Variants in AEN observed in about 807,000 individuals in gnomAD.
AEN encodes the protein apoptosis-enhancing nuclease.
In AEN, 21 loss-of-function variants were observed where a neutral mutation model predicts 17.7. That is an observed-to-expected ratio of 1.19 (90% CI 0.84 to 1.71). AEN has a LOEUF of 1.71. Ranked by LOEUF, AEN falls within the 40% of genes most tolerant of loss-of-function variation. AEN has a pLI of 0.00. For synonymous variants in AEN, 190 were observed against 173.0 expected (o/e 1.10, Z -0.77); for missense variants, 462 against 435.9 (o/e 1.06, Z -0.53).
upstream of AEN, chr15:88,621,313 C>G (rs1157101894): frequency 6.6e-6 from 1 of 152,382 alleles, no homozygotes; most frequent in South Asian, 2.1e-4. Flanking sequence ...GCCGGGCTTG[C>G]CCGGGCATGT....
rs978995127 is a variant in AEN at position 88,630,257 on chromosome 15, G to A, written c.941G>A (p.Arg314Lys). 6.9e-6 allele frequency: 11 copies of A among 1,594,846 alleles called. No individual in the cohort carries two copies. In the African/African-American group the frequency reaches 1.5e-4, roughly 21 times the overall value. Residue 314 changes from arginine to lysine, a missense_variant, in exon 4 of 4, where the codon AGA becomes AAA. By Grantham distance (26) the Arg-to-Lys change is conservative. Transcript: ENST00000332810. This position sits in a 1 kb window ranked among gnomAD's most constrained non-coding sequence, Gnocchi z 5.1. ...YWPDDLAHGS[R>K]GGAREAQDRR... ...CCCGATGACCTGGCCCACGGCAGCA[G>A]AGGAGGAGCCAGGGAGGCACAGGAC...
intron 1 of AEN, among the ~76,000 whole-genome samples, chr15:88,624,745 G>A (rs571914982): frequency 2.2e-4 from 34 of 152,096 alleles, no homozygotes; most frequent in Non-Finnish European, 4.3e-4. Context: ...TTAGCCAGGC[G>A]TGGTGGTGCA....
the AEN span, among the ~76,000 whole-genome samples, chr15:88,610,590 A>C: frequency 6.6e-6 from 1 of 152,060 alleles, no homozygotes; most frequent in Non-Finnish European, 1.5e-5. Flanking sequence ...ACTCAGAGCT[A>C]GGTATTGCCA....
rs2057927803 is a variant in AEN, at chr15:88,631,489, T to C, written c.*1195T>C. The C allele has an allele frequency of 9.0e-6, 2 of 223,234 alleles. No homozygotes were observed. The highest frequency in any genetic ancestry group is 2.2e-5 in the African/African-American group (1 of 44,624). 13.8% of individuals were successfully genotyped at this position (223,234 alleles called of 1,614,324 possible). ...TGCTTGCAGCTTAGCTTTGAGATAC[T>C]AAGCAAGCGAGGGACTTCACTCTTG... is the stretch of plus-strand genomic sequence containing the variant. On this transcript the variant is annotated 3_prime_UTR_variant, in exon 4 of 4. Transcript: ENST00000332810.
intron 1 of AEN, chr15:88,621,924 G>A (rs1388820271): frequency 6.6e-6 from 1 of 152,120 alleles, no homozygotes; most frequent in Admixed American, 6.5e-5. Context: ...GTGGGAGTGG[G>A]CCTGAAAATC....
At chr15:88,627,679 A>T (rs1168787509) in intron 2 of AEN, 1 of 152,340 alleles carries the variant, frequency 6.6e-6, no homozygotes, top group South Asian at 2.1e-4. Flanking sequence ...CTCATCACAC[A>T]GGTGAACTAG....
chr15:88,617,818 G>T (rs901423040), upstream of AEN, among the ~76,000 whole-genome samples: 6 of 137,014 alleles, frequency 4.4e-5, no homozygotes, highest in Admixed American at 3.1e-4. Context: ...TAGCTGAAAT[G>T]CTTGGCCCAT....
chr15:88,616,648 A>G (rs529852770), upstream of AEN, among the ~76,000 whole-genome samples: 16 of 152,380 alleles, frequency 1.1e-4, no homozygotes, highest in East Asian at 3.1e-3. Context: ...GATAAATGTA[A>G]GTATAGATGG....
chr15:88,616,446 G>A (rs2057739287), upstream of AEN, among the ~76,000 whole-genome samples: 1 of 152,152 alleles, frequency 6.6e-6, no homozygotes, highest in African/African-American at 2.4e-5. Context: ...GAAGGGAAGG[G>A]CTGACTTGGT....
intron 3 of AEN, among the ~76,000 whole-genome samples, chr15:88,629,709 C>G (rs946330672): frequency 2.0e-5 from 3 of 152,208 alleles, no homozygotes; most frequent in Non-Finnish European, 4.4e-5. Flanking sequence ...TTGGTTCTTG[C>G]ATCCCTGAAG....
Position 88,631,391 on chromosome 15 carries a change from C to T in AEN, c.*1097C>T, listed in dbSNP as rs2057926795. Reference sequence around the variant, plus strand: ...CTCCTATTTCTAAAAATGTTCTCTTCTTTCCTAAGTGACAGTTTTGAAGTA... The same window carrying T: ...CTCCTATTTCTAAAAATGTTCTCTTTTTTCCTAAGTGACAGTTTTGAAGTA... On this transcript the variant is annotated 3_prime_UTR_variant, in exon 4 of 4. Transcript: ENST00000332810. 1 of 248,730 alleles carries T rather than the reference C, an allele frequency of 4.0e-6. No homozygotes were observed. The highest frequency in any genetic ancestry group is 4.3e-5 in the Admixed American group (1 of 23,488). The allele number at this position is 248,730 out of a possible 1,614,324, so 15.4% of individuals were successfully genotyped here.
At chr15:88,608,527 A>G in the AEN span, among the ~76,000 whole-genome samples, 6 of 152,212 alleles carry the variant, frequency 3.9e-5, no homozygotes, top group Admixed American at 1.3e-4. Flanking sequence ...CCTCATTATT[A>G]GAGATTTGGT....
At chr15:88,611,084 C>G in the AEN span, among the ~76,000 whole-genome samples, 1 of 152,224 alleles carries the variant, frequency 6.6e-6, no homozygotes, top group Non-Finnish European at 1.5e-5. Context: ...TGACTTCATT[C>G]TGAAGCTTCC....
At chr15:88,606,277 T>C in the AEN span, among the ~76,000 whole-genome samples, 645 of 152,150 alleles carry the variant, frequency 4.2e-3, 2 homozygotes, top group South Asian at 0.024. Context: ...TATGCCTTAA[T>C]AGGAGTGAGT....
upstream of AEN, among the ~76,000 whole-genome samples, chr15:88,618,271 C>T (rs940058972): frequency 3.9e-5 from 6 of 152,036 alleles, no homozygotes; most frequent in South Asian, 4.1e-4. Flanking sequence ...GCTTCTGCTA[C>T]GGAGTTTTAT....
In AEN at chr15:88,629,342, C is replaced by T. The variant is rs2057896896; in HGVS notation, c.657C>T (p.Asn219=). 6.2e-7 allele frequency: 1 copy of T among 1,614,056 alleles called. No individual in the cohort carries two copies. Among genetic ancestry groups the T allele is most frequent in the Admixed American group, 1.7e-5 (1 of 60,004 alleles). ...CCCGGGATACGACCTATGTCCCAAA[C>T]TTCCTCAGCGAGCCCGGCCTCCACA... ...SQTRDTTYVP[N]FLSEPGLHTR... is the part of the protein sequence containing the mutation. The change falls in exon 3 of 4, where the codon AAC becomes AAT. Residue 219 remains asparagine (N), a synonymous_variant. Transcript: ENST00000332810.
chr15:88,616,967 G>A (rs1015107327), upstream of AEN, among the ~76,000 whole-genome samples: 9 of 152,168 alleles, frequency 5.9e-5, no homozygotes, highest in African/African-American at 1.2e-4. Flanking sequence ...GGGTTTATCC[G>A]GACATGGCCT....
the AEN span, among the ~76,000 whole-genome samples, chr15:88,612,832 G>C: frequency 0.54 from 81,867 of 151,764 alleles, 22,748 homozygotes; most frequent in Non-Finnish European, 0.57. Flanking sequence ...AACTCGTGAC[G>C]TCAGGGGATC....
the AEN span, among the ~76,000 whole-genome samples, chr15:88,606,364 T>G: frequency 6.6e-6 from 1 of 152,128 alleles, no homozygotes; most frequent in Non-Finnish European, 1.5e-5. Context: ...GTCTCAAAAC[T>G]CAAGCGTGGA....
Sources: allele counts gnomAD v4.1 joint callset (sites outside exome capture counted in the v4.1 genomes callset), GRCh38; gene constraint gnomAD v4.1.1; non-coding constraint Gnocchi (gnomAD v3.1); transcripts MANE v1.5; gene names NCBI Gene and HGNC (gene_info 2026-07-23, HGNC 2026-07-21).